Variants in MACF1 observed in about 807,000 individuals in gnomAD.
The protein encoded by MACF1 is microtubule-actin cross-linking factor 1.
A neutral mutation model predicts 854.8 loss-of-function variants in MACF1; 193 were observed. The ratio of observed to expected loss-of-function variants is 0.23; its 90% confidence interval spans 0.20 to 0.25. The LOEUF (loss-of-function observed/expected upper bound fraction) is 0.25, where lower values mean the gene tolerates loss of function less well. Among genes scored for constraint, MACF1 ranks in the 10% least tolerant of loss-of-function variants. MACF1 has a pLI of 1.00. For missense variants in MACF1, 7,722 were observed against 8,929.1 expected, an observed-to-expected ratio of 0.86 and a Z score of 5.45; for synonymous variants, 3,185 against 3,226.7, an observed-to-expected ratio of 0.99 and a Z score of 0.44.
chr1:39,258,850 A>G (rs1421366893), intron 6 of MACF1, among the ~76,000 whole-genome samples: 1 of 152,194 alleles, frequency 6.6e-6, no homozygotes, highest in Non-Finnish European at 1.5e-5. Flanking sequence ...CTGGTTAAAG[A>G]TAGAACAACA....
At chr1:39,401,826 A>G (rs1642484787) in intron 58 of MACF1, among the ~76,000 whole-genome samples, 1 of 152,224 alleles carries the variant, frequency 6.6e-6, no homozygotes, top group South Asian at 2.1e-4. Flanking sequence ...TTTGTCATCA[A>G]TGATAAGAAT....
At chr1:39,369,945 C>T in intron 50 of MACF1, 85 bp from the exon 51 acceptor site, 1 of 1,244,332 alleles carries the variant, frequency 8.0e-7, no homozygotes, top group Non-Finnish European at 1.1e-6. Context: ...TAACTGATGT[C>T]TGGAGTCACA....
At position 39,469,583 on chromosome 1, in the gene MACF1, C is replaced by G; in HGVS notation, c.21926C>G (p.Ser7309Cys). 6.4e-7 allele frequency: 1 copy of G among 1,550,492 alleles called. No individual in the cohort carries two copies. The change falls in exon 97 of 101, where the codon TCC becomes TGC. Residue 7309 changes from serine (S) to cysteine (C), a missense_variant. By Grantham distance (112) the Ser-to-Cys change is moderately radical (BLOSUM62 -1). This residue lies in a region of MACF1 where 153 missense variants were observed against 342.5 expected (regional missense o/e 0.45). Coordinates refer to ENST00000564288, the MANE Select transcript of MACF1 (RefSeq NM_001394062.1). ...HPGSKIKRSD[S>C]SSSISSQSPI... ...GGGAGTAAAATAAAGCGCTCTGATT[C>G]CAGCTCTTCGATTTCCAGTCAGTCT...
At chr1:39,257,878 A>T in intron 5 of MACF1, 58 bp from the exon 6 acceptor site, 2 of 1,318,202 alleles carry the variant, frequency 1.5e-6, no homozygotes, top group Non-Finnish European at 2.2e-6. Flanking sequence ...GTGATGCAAA[A>T]ATTTAATCAA....
intron 1 of MACF1, among the ~76,000 whole-genome samples, chr1:39,223,096 A>T (rs1263344065): frequency 6.6e-6 from 1 of 152,298 alleles, no homozygotes; most frequent in East Asian, 1.9e-4. Context: ...GGAGGAGGGG[A>T]TAGTTGAGTT....
chr1:39,359,354 C>T, intron 47 of MACF1, 90 bp downstream of exon 47: 1 of 1,430,238 alleles, frequency 7.0e-7, no homozygotes, highest in Non-Finnish European at 9.7e-7. Flanking sequence ...GTGCAAATAT[C>T]TGTGGTGCCA....
At chr1:39,351,112 C>T (rs1433421211) in intron 43 of MACF1, 94 bp downstream of exon 43, 9 of 869,698 alleles carry the variant, frequency 1.0e-5, no homozygotes, top group Non-Finnish European at 1.6e-5. Context: ...AGGCTTATAG[C>T]ATGCACAGAA....
intron 58 of MACF1, among the ~76,000 whole-genome samples, chr1:39,396,471 A>G (rs1025292463): frequency 6.6e-6 from 1 of 152,238 alleles, no homozygotes; most frequent in Non-Finnish European, 1.5e-5. Flanking sequence ...AGGAAGAAAT[A>G]TATTTCCAGA....
chr1:39,102,463 TGG>T (rs1642118060), intron 2 of MACF1, among the ~76,000 whole-genome samples: 1 of 150,004 alleles, frequency 6.7e-6, no homozygotes, highest in African/African-American at 2.5e-5. Context: ...GGCTTTCCCC[TGG>T]GGAGTTTCAG....
intron 37 of MACF1, 109 bp from the exon 38 acceptor site, chr1:39,337,073 A>G (rs1427515146): frequency 6.4e-6 from 6 of 935,886 alleles, no homozygotes; most frequent in African/African-American, 5.0e-5. Context: ...ATCCCACTCT[A>G]TGTGCAGTAA....
chr1:39,093,935 C>T (rs1641875094), intron 2 of MACF1, among the ~76,000 whole-genome samples: 1 of 152,030 alleles, frequency 6.6e-6, no homozygotes, highest in Non-Finnish European at 1.5e-5. Flanking sequence ...TGCGCCACCA[C>T]ACCTGGCTAA....
chr1:39,209,965 C>T (rs1644496906), intron 1 of MACF1, among the ~76,000 whole-genome samples: 1 of 151,990 alleles, frequency 6.6e-6, no homozygotes, highest in Non-Finnish European at 1.5e-5. Flanking sequence ...TGGTGTGCGC[C>T]TGTAATCCCA....
intron 97 of MACF1, among the ~76,000 whole-genome samples, chr1:39,474,750 T>C (rs560492665): frequency 3.3e-5 from 5 of 152,310 alleles, no homozygotes; most frequent in Non-Finnish European, 7.4e-5. Context: ...TATGTGTGTA[T>C]ATACTGCGCT....
chr1:39,324,136 C>G (rs915721919), intron 33 of MACF1, 57 bp from the exon 34 acceptor site: 1 of 1,503,648 alleles, frequency 6.7e-7, no homozygotes. Context: ...AATCTGAAGT[C>G]GTGCCAGCCT....
rs150969133 is a variant in MACF1, at chr1:39,360,915, A to G, written c.12367A>G (p.Ile4123Val). The G allele has an allele frequency of 1.7e-4, 274 of 1,613,888 alleles. No individual in the cohort carries two copies. Among genetic ancestry groups the G allele is most frequent in the Non-Finnish European group, 2.2e-4 (261 of 1,180,000 alleles). Residue 4123 changes from isoleucine to valine, a missense_variant, in exon 48 of 101, where the codon ATT (isoleucine) becomes GTT (valine). Around this residue, in one of 15 missense-constraint regions of MACF1, gnomAD observed 2,807 missense variants for 3,235.8 expected, o/e 0.87. Coordinates refer to ENST00000564288, the MANE Select transcript of MACF1 (RefSeq NM_001394062.1). ...QESLESLLQS[I>V]GEVEQNLEGK... Reference sequence around the variant, plus strand: ...AAGCCTGGAGAGCCTGTTGCAGTCTATTGGGGAAGTTGAACAAAACCTGGA... The same window carrying G: ...AAGCCTGGAGAGCCTGTTGCAGTCTGTTGGGGAAGTTGAACAAAACCTGGA...
intron 97 of MACF1, among the ~76,000 whole-genome samples, chr1:39,479,585 T>C (rs903050893): frequency 3.3e-5 from 5 of 152,184 alleles, no homozygotes; most frequent in African/African-American, 1.2e-4. Flanking sequence ...ACACAGAGAC[T>C]TGCTTATTAT....
intron 2 of MACF1, among the ~76,000 whole-genome samples, chr1:39,107,404 C>T (rs547466508): frequency 6.6e-6 from 1 of 152,036 alleles, no homozygotes; most frequent in African/African-American, 2.4e-5. Context: ...GAACTTAATC[C>T]TTCCCAGACA....
In MACF1 at chr1:39,422,791, C is replaced by T; in HGVS notation, c.16040C>T (p.Ala5347Val). The change falls in exon 60 of 101, where the codon GCC (alanine) becomes GTC (valine). Residue 5347 changes from alanine (A) to valine (V), a missense_variant. Physicochemically the swap from Ala to Val is moderately conservative, Grantham distance 64. Around this residue, in one of 15 missense-constraint regions of MACF1, gnomAD observed 2,807 missense variants for 3,235.8 expected, o/e 0.87. Transcript: ENST00000564288. Reference sequence around the variant, plus strand: ...TTGCATTGTGGGAAGTTTCAAGATGCCTTGGAGCCATTGCTCAGCTGGTTG... The same window carrying T: ...TTGCATTGTGGGAAGTTTCAAGATGTCTTGGAGCCATTGCTCAGCTGGTTG... ...ALLHCGKFQD[A>V]LEPLLSWLAD... 1 of 1,614,162 alleles carries T rather than the reference C, an allele frequency of 6.2e-7. No homozygotes were observed. Among genetic ancestry groups the T allele is most frequent in the Non-Finnish European group, 8.5e-7 (1 of 1,180,028 alleles).
intron 2 of MACF1, among the ~76,000 whole-genome samples, chr1:39,118,905 T>C (rs1571062983): frequency 6.6e-6 from 1 of 152,342 alleles, no homozygotes; most frequent in East Asian, 1.9e-4. Context: ...CTTTTTCTTA[T>C]TTTCTGACTT....
Sources: allele counts gnomAD v4.1 joint callset (sites outside exome capture counted in the v4.1 genomes callset), GRCh38; gene constraint gnomAD v4.1.1; regional missense constraint gnomAD v4.1.1; transcripts MANE v1.5; gene names NCBI Gene and HGNC (gene_info 2026-07-23, HGNC 2026-07-21).